The following XIRP2 variants were observed in gnomAD, a reference collection of about 807,000 sequenced individuals.
XIRP2 encodes the protein xin actin-binding repeat-containing protein 2.
In XIRP2, 236 loss-of-function variants were observed where a neutral mutation model predicts 277.0. That is an observed-to-expected ratio of 0.85 (90% CI 0.77 to 0.95). The LOEUF is 0.95. Among genes scored for constraint, XIRP2 ranks in the 40% least tolerant of loss-of-function variants. The pLI is 0.00. For missense variants in XIRP2, 4,640 were observed against 4,157.5 expected (o/e 1.12, Z -3.19); for synonymous variants, 1,490 against 1,416.5 (o/e 1.05, Z -1.17).
chr2:167,258,520 T>C lies in XIRP2; in HGVS notation c.*703T>C, dbSNP rs1337626664. On this transcript the variant is annotated 3_prime_UTR_variant, in exon 11 of 11. Coordinates refer to ENST00000409195, the MANE Select transcript of XIRP2 (RefSeq NM_152381.6). ...GTAACAGGAAAAGTGCTATGGATCT[T>C]AATGACAACAATAATGTGATTGTGC... is the stretch of plus-strand genomic sequence containing the variant. 1 of 1,613,128 alleles carries C rather than the reference T, an allele frequency of 6.2e-7. No homozygotes were observed. Among genetic ancestry groups the C allele is most frequent in the Non-Finnish European group, 8.5e-7 (1 of 1,179,584 alleles).
At chr2:167,124,367 C>G (rs951394609) in intron 2 of XIRP2, 1 of 152,106 alleles carries the variant, frequency 6.6e-6, no homozygotes, top group East Asian at 1.9e-4. Flanking sequence ...TTCCTCCTCT[C>G]CCCAGAGGAG....
intron 4 of XIRP2, among the ~76,000 whole-genome samples, chr2:167,214,470 C>A (rs2105395444): frequency 7.8e-6 from 1 of 128,954 alleles, no homozygotes; most frequent in African/African-American, 3.5e-5. Context: ...GAGTGAGACT[C>A]CATCTCAAAA....
At chr2:166,907,511 G>A (rs545865075) in intron 2 of XIRP2, among the ~76,000 whole-genome samples, 3 of 152,214 alleles carry the variant, frequency 2.0e-5, no homozygotes, top group South Asian at 4.1e-4. Flanking sequence ...CAAAGTCAGC[G>A]GGAATCTGGC....
At chr2:166,951,595 G>T (rs953594995) in intron 2 of XIRP2, among the ~76,000 whole-genome samples, 1 of 151,894 alleles carries the variant, frequency 6.6e-6, no homozygotes, top group Non-Finnish European at 1.5e-5. Flanking sequence ...AAAAAAAGTT[G>T]GCAATCTGTA....
intron 3 of XIRP2, among the ~76,000 whole-genome samples, chr2:167,166,488 G>C (rs1692523139): frequency 6.6e-6 from 1 of 152,130 alleles, no homozygotes; most frequent in Non-Finnish European, 1.5e-5. Flanking sequence ...ATTGATGGTT[G>C]TGTTCATCTG....
chr2:167,235,467 C>T (rs187084759), intron 5 of XIRP2, among the ~76,000 whole-genome samples: 5 of 151,904 alleles, frequency 3.3e-5, no homozygotes, highest in Non-Finnish European at 7.4e-5. Flanking sequence ...TGTATTTACC[C>T]ATGTATTTAC....
chr2:166,897,978 A>G (rs1684286685), intron 1 of XIRP2, among the ~76,000 whole-genome samples: 1 of 151,678 alleles, frequency 6.6e-6, no homozygotes, highest in African/African-American at 2.4e-5. Context: ...TAGAATCAAC[A>G]ACTGCTCCCT....
intron 2 of XIRP2, among the ~76,000 whole-genome samples, chr2:167,127,669 C>T (rs1574278413): frequency 6.6e-6 from 1 of 152,260 alleles, no homozygotes; most frequent in Middle Eastern, 3.4e-3. Flanking sequence ...TCAGATATCT[C>T]GCCGCCTGCT....
intron 3 of XIRP2, among the ~76,000 whole-genome samples, chr2:167,174,347 G>A (rs1222559776): frequency 6.6e-6 from 1 of 152,124 alleles, no homozygotes; most frequent in South Asian, 2.1e-4. Context: ...TCTTGGGAGG[G>A]TGTATATGTC....
At chr2:166,912,303 C>G (rs1007882059) in intron 2 of XIRP2, among the ~76,000 whole-genome samples, 1 of 151,996 alleles carries the variant, frequency 6.6e-6, no homozygotes, top group African/African-American at 2.4e-5. Context: ...GGCTTTGTTC[C>G]TTTCTTTTTA....
intron 2 of XIRP2, among the ~76,000 whole-genome samples, chr2:167,040,986 A>G (rs951513409): frequency 1.3e-5 from 2 of 152,156 alleles, no homozygotes; most frequent in Non-Finnish European, 2.9e-5. Context: ...CGCCCTGACA[A>G]AGTGCATTTG....
intron 2 of XIRP2, among the ~76,000 whole-genome samples, chr2:166,915,494 A>G (rs1257949574): frequency 6.6e-6 from 1 of 152,058 alleles, no homozygotes; most frequent in African/African-American, 2.4e-5. Context: ...TGCAGTGTTT[A>G]AGTTAATTTG....
At chr2:166,957,551 A>G (rs1289354030) in intron 2 of XIRP2, among the ~76,000 whole-genome samples, 1 of 151,822 alleles carries the variant, frequency 6.6e-6, no homozygotes, top group Non-Finnish European at 1.5e-5. Context: ...ACATCAAATA[A>G]ACATTTTTTA....
intron 2 of XIRP2, among the ~76,000 whole-genome samples, chr2:167,013,286 A>G (rs537128241): frequency 4.2e-4 from 64 of 151,590 alleles, no homozygotes; most frequent in African/African-American, 1.4e-3. Flanking sequence ...ATATATTACA[A>G]TAATGCTTCT....
chr2:167,012,037 T>C (rs1687693541), intron 2 of XIRP2, among the ~76,000 whole-genome samples: 1 of 152,112 alleles, frequency 6.6e-6, no homozygotes, highest in Non-Finnish European at 1.5e-5. Context: ...CTGGATTCAT[T>C]AATTTTTTGA....
rs374558647 is a variant in XIRP2, at chr2:167,254,052, G to A, written c.10576G>A (p.Gly3526Arg). The change falls in exon 10 of 11, where the codon GGA (glycine) becomes AGA (arginine). Residue 3526 changes from glycine to arginine, a missense_variant. Transcript: ENST00000409195. Reference sequence around the variant, plus strand: ...TTTAGAAGCTGCTGCTCCAAGACAAGGAAATATGTATACTTTGTCAAAAGA... The same window carrying A: ...TTTAGAAGCTGCTGCTCCAAGACAAAGAAATATGTATACTTTGTCAAAAGA... ...FISEAAAPRQGNMYTLSKDSL... is the reference protein window; with the variant it reads ...FISEAAAPRQRNMYTLSKDSL... The A allele has an allele frequency of 5.6e-6, 9 of 1,594,060 alleles. No individual in the cohort carries two copies. Among genetic ancestry groups the A allele is most frequent in the Non-Finnish European group, 7.7e-6 (9 of 1,170,282 alleles).
At chr2:167,205,184 C>A (rs1372630522) in intron 3 of XIRP2, among the ~76,000 whole-genome samples, 3 of 152,124 alleles carry the variant, frequency 2.0e-5, no homozygotes, top group African/African-American at 7.2e-5. Context: ...GCTCCCAACT[C>A]AACTGGTACA....
In XIRP2 at chr2:166,901,009, C is replaced by T. The variant is rs539643097; in HGVS notation, c.-18-2456C>T. 2.0e-5 allele frequency among the ~76,000 whole-genome samples: 3 copies of T among 152,178 alleles called. No homozygotes were observed. In the East Asian group the frequency reaches 5.8e-4, roughly 30 times the overall value. On this transcript the variant is annotated intron_variant, in intron 1 of 10. Transcript: ENST00000409195. ...AGTTGGAGAGAGAGACAGCAAAGGGCAAAAAGCCAGAAACTTACACTCACC... is the reference window on the plus strand; with the variant it reads ...AGTTGGAGAGAGAGACAGCAAAGGGTAAAAAGCCAGAAACTTACACTCACC...
chr2:167,152,136 C>A (rs1361292284), intron 3 of XIRP2, among the ~76,000 whole-genome samples: 2 of 151,984 alleles, frequency 1.3e-5, no homozygotes, highest in African/African-American at 4.8e-5. Context: ...ACATATGACA[C>A]CCCAGCATAT....
Sources: allele counts gnomAD v4.1 joint callset (sites outside exome capture counted in the v4.1 genomes callset), GRCh38; gene constraint gnomAD v4.1.1; transcripts MANE v1.5; gene names NCBI Gene and HGNC (gene_info 2026-07-23, HGNC 2026-07-21).